The following STK31 variants were observed in gnomAD, a reference collection of about 807,000 sequenced individuals.
The protein encoded by STK31 is serine/threonine kinase 31.
Under a neutral mutation model 129.7 loss-of-function variants are expected in STK31, and 89 were observed. That is an observed-to-expected ratio of 0.69 (90% CI 0.58 to 0.82). The LOEUF (loss-of-function observed/expected upper bound fraction) is 0.82. Ranked by LOEUF, STK31 falls within the 40% of genes least tolerant of loss-of-function variation. The pLI, the probability that STK31 is intolerant of heterozygous loss-of-function variation, is 0.00. For synonymous variants in STK31, 448 were observed against 395.3 expected, an observed-to-expected ratio of 1.13 and a Z score of -1.58; for missense variants, 1,187 against 1,176.4, an observed-to-expected ratio of 1.01 and a Z score of -0.13.
chr7:23,722,405 A>G (rs946734486), intron 4 of STK31: 1 of 153,790 alleles, frequency 6.5e-6, no homozygotes, highest in Non-Finnish European at 1.4e-5. Flanking sequence ...AACAGCAAAT[A>G]TTGCGGAATG....
chr7:23,712,990 TAAG>T (rs1786071859), intron 3 of STK31, among the ~76,000 whole-genome samples: 2 of 152,012 alleles, frequency 1.3e-5, no homozygotes, highest in Non-Finnish European at 2.9e-5. Context: ...ATGTGGGAAA[TAAG>T]GAGAATATAT....
chr7:23,747,404 C>CT (rs1049316956), intron 8 of STK31, among the ~76,000 whole-genome samples: 8 of 152,052 alleles, frequency 5.3e-5, no homozygotes, highest in Admixed American at 5.2e-4. Flanking sequence ...GAGTCTCACT[C>CT]TGTTGCCCAG....
chr7:23,758,902 C>T (rs554512718), intron 10 of STK31, among the ~76,000 whole-genome samples: 2 of 152,152 alleles, frequency 1.3e-5, no homozygotes, highest in South Asian at 4.1e-4. Flanking sequence ...GACCCATCTT[C>T]CGCACAAAAA....
At chr7:23,736,594 A>C (rs1787732624) in intron 7 of STK31, among the ~76,000 whole-genome samples, 1 of 141,276 alleles carries the variant, frequency 7.1e-6, no homozygotes, top group South Asian at 2.3e-4. Context: ...CGGGGGGGGG[A>C]TCACAGGAGG....
intron 5 of STK31, among the ~76,000 whole-genome samples, chr7:23,727,867 G>T (rs900492806): frequency 2.0e-5 from 3 of 151,770 alleles, no homozygotes; most frequent in Non-Finnish European, 4.4e-5. Context: ...GCCTGCCTCA[G>T]ATCTTAATAA....
chr7:23,773,550 A>G (rs1010770759), intron 15 of STK31, among the ~76,000 whole-genome samples: 5 of 152,190 alleles, frequency 3.3e-5, no homozygotes, highest in East Asian at 1.9e-4. Flanking sequence ...TCCTTTGGGT[A>G]TATACCCAGT....
At chr7:23,773,801 T>A (rs1048281254) in intron 15 of STK31, among the ~76,000 whole-genome samples, 1 of 152,070 alleles carries the variant, frequency 6.6e-6, no homozygotes, top group Non-Finnish European at 1.5e-5. Flanking sequence ...TATTATACTT[T>A]AAGTTCTACA....
At chr7:23,731,870 G>C (rs1787452001) in intron 6 of STK31, among the ~76,000 whole-genome samples, 1 of 152,196 alleles carries the variant, frequency 6.6e-6, no homozygotes, top group Admixed American at 6.5e-5. Flanking sequence ...GAGGAATAAA[G>C]TAGAAAGCAA....
At chr7:23,732,780 T>C (rs981715950) in intron 6 of STK31, among the ~76,000 whole-genome samples, 1 of 152,320 alleles carries the variant, frequency 6.6e-6, no homozygotes, top group African/African-American at 2.4e-5. Flanking sequence ...TCTTGAAATA[T>C]TAATAATTCC....
At chr7:23,721,783 G>C in intron 4 of STK31, 2 of 649,936 alleles carry the variant, frequency 3.1e-6, no homozygotes, top group Non-Finnish European at 5.8e-6. Flanking sequence ...GTCCAGTTCT[G>C]CGTTAACTGA....
chr7:23,745,951 T>TG (rs1272292137), intron 8 of STK31, among the ~76,000 whole-genome samples: 1 of 152,190 alleles, frequency 6.6e-6, no homozygotes, highest in Non-Finnish European at 1.5e-5. Context: ...TCAAGATGTA[T>TG]GGCTGTTCCT....
intron 22 of STK31, among the ~76,000 whole-genome samples, chr7:23,799,067 A>G (rs768084956): frequency 6.6e-6 from 1 of 152,110 alleles, no homozygotes; most frequent in Non-Finnish European, 1.5e-5. Context: ...GAAGAATTAC[A>G]AACCACTGCT....
At chr7:23,802,716 G>A (rs528393947) in intron 22 of STK31, among the ~76,000 whole-genome samples, 39 of 152,236 alleles carry the variant, frequency 2.6e-4, no homozygotes, top group African/African-American at 7.9e-4. Flanking sequence ...GTTTCACTAT[G>A]TTGACCAGGC....
chr7:23,830,039 T>G (rs1235330741), intron 23 of STK31, among the ~76,000 whole-genome samples: 1 of 152,124 alleles, frequency 6.6e-6, no homozygotes, highest in East Asian at 1.9e-4. Context: ...AAGCTCCGCC[T>G]CCCGGGTTCA....
chr7:23,778,037 A>C (rs1171534568), intron 15 of STK31, among the ~76,000 whole-genome samples: 1 of 152,148 alleles, frequency 6.6e-6, no homozygotes, highest in Admixed American at 6.5e-5. Context: ...TCTGATTGTG[A>C]CAAAGTCTCT....
At chr7:23,779,814 C>T (rs935797136) in intron 15 of STK31, among the ~76,000 whole-genome samples, 5 of 152,210 alleles carry the variant, frequency 3.3e-5, no homozygotes, top group African/African-American at 7.2e-5. Flanking sequence ...ACTTGGCTCC[C>T]TGGCTTCAAC....
intron 6 of STK31, among the ~76,000 whole-genome samples, chr7:23,734,733 G>A (rs1346230795): frequency 6.6e-6 from 1 of 152,178 alleles, no homozygotes; most frequent in African/African-American, 2.4e-5. Flanking sequence ...GGGAGGCCGA[G>A]GTGGGCGGAT....
rs1554297571 is a variant in STK31 at position 23,810,940 on chromosome 7, T to TATACAC, written c.2761-4203_2761-4202insTACACA. ...ATATGTATATATGTGTGTGTGTATA[T>TATACAC]ACACACACACACACACACACACCTA... On this transcript the variant is annotated intron_variant, in intron 22 of 23. Transcript: ENST00000355870. 3.7e-3 allele frequency among the ~76,000 whole-genome samples: 525 copies of TATACAC among 140,334 alleles called. 2 individuals carry two copies. The highest frequency in any genetic ancestry group is 0.015 in the Middle Eastern group (4 of 272). The allele number at this position is 140,334 out of a possible 152,430, so 92.1% of individuals were successfully genotyped here. A position where few individuals can be genotyped will look rare whatever the true frequency, so the allele number is the denominator to read the frequency against.
intron 20 of STK31, 142 bp from the exon 21 acceptor site, chr7:23,787,838 T>C (rs1026171593): frequency 1.4e-6 from 1 of 712,506 alleles, no homozygotes. Flanking sequence ...TCATCTGGTC[T>C]TTCTCTATGC....
Sources: allele counts gnomAD v4.1 joint callset (sites outside exome capture counted in the v4.1 genomes callset), GRCh38; gene constraint gnomAD v4.1.1; transcripts MANE v1.5; gene names NCBI Gene and HGNC (gene_info 2026-07-23, HGNC 2026-07-21).